CAMK2G: variants seen among roughly 807,000 people sequenced by gnomAD.
The protein encoded by CAMK2G is calcium/calmodulin-dependent protein kinase type II subunit gamma.
In CAMK2G, 23 loss-of-function variants were observed where a neutral mutation model predicts 88.7. That is an observed-to-expected ratio of 0.26 (90% CI 0.19 to 0.37). The LOEUF (loss-of-function observed/expected upper bound fraction) is 0.37, where lower values mean the gene tolerates loss of function less well. Among genes scored for constraint, CAMK2G ranks in the 10% least tolerant of loss-of-function variants. CAMK2G has a pLI of 1.00. For synonymous variants in CAMK2G, 263 were observed against 294.8 expected (o/e 0.89, Z 1.11); for missense variants, 476 against 780.8 (o/e 0.61, Z 4.65).
At chr10:73,818,347 A>T (rs2086452090) in intron 19 of CAMK2G, 1 of 242,288 alleles carries the variant, frequency 4.1e-6, no homozygotes, top group African/African-American at 2.2e-5. Context: ...CAACCCATCC[A>T]AAGCCAAGGG....
At chr10:73,847,077 C>G (rs973625986) in intron 10 of CAMK2G, 148 bp downstream of exon 10, 1 of 736,882 alleles carries the variant, frequency 1.4e-6, no homozygotes, top group South Asian at 1.9e-5. Flanking sequence ...ATTTATTGAC[C>G]CTGGCCCTCA....
intron 14 of CAMK2G, among the ~76,000 whole-genome samples, chr10:73,831,429 T>G (rs577945495): frequency 6.7e-6 from 1 of 150,150 alleles, no homozygotes; most frequent in African/African-American, 2.5e-5. Flanking sequence ...TCCCAGCTAC[T>G]TGGGAGGCTG....
chr10:73,839,684 C>A lies in CAMK2G; in HGVS notation c.947-83G>T, dbSNP rs2093607373. ...AGCGAGCATGCCCCAGCGCGAGGCG[C>A]AGCCCAGGCGGCGTGGCCAAGCCAG... On this transcript the variant is annotated intron_variant, in intron 12 of 22. Transcript: ENST00000423381. The surrounding 1 kb of genome is among the most constrained non-coding windows in gnomAD (Gnocchi z 4.2). The A allele has an allele frequency of 4.4e-6, 4 of 913,690 alleles. No individual in the cohort carries two copies. Among genetic ancestry groups the A allele is most frequent in the Non-Finnish European group, 5.7e-6 (4 of 696,834 alleles). The allele number at this position is 913,690 out of a possible 1,614,324, so 56.6% of individuals were successfully genotyped here.
At chr10:73,864,248 G>A (rs2095498581) in intron 2 of CAMK2G, among the ~76,000 whole-genome samples, 2 of 151,822 alleles carry the variant, frequency 1.3e-5, no homozygotes, top group Non-Finnish European at 2.9e-5. Context: ...GCTGCAGTGA[G>A]CCAAGATTGG....
chr10:73,818,818 G>A (rs1230551091), intron 19 of CAMK2G: 1 of 456,204 alleles, frequency 2.2e-6, no homozygotes. Context: ...GGCGAAGAGG[G>A]TTGTGCTTAG....
At position 73,821,613 on chromosome 10, in the gene CAMK2G, G is replaced by A. The variant is rs1589863118; in HGVS notation, c.1249+69C>T. ...CCAGTTCTGGGGACAGAAAAGGCAG[G>A]TGCCCCATTGGAGCCCAGGTACCTG... On this transcript the variant is annotated intron_variant, in intron 18 of 22. Coordinates refer to ENST00000423381, the MANE Select transcript of CAMK2G (RefSeq NM_001367534.1). 4.3e-6 allele frequency: 5 copies of A among 1,161,716 alleles called. No homozygotes were observed. In the South Asian group the frequency reaches 6.3e-5, roughly 15 times the overall value. The allele number at this position is 1,161,716 out of a possible 1,614,324, so 72.0% of individuals were successfully genotyped here. A position where few individuals can be genotyped will look rare whatever the true frequency, so the allele number is the denominator to read the frequency against.
At chr10:73,840,060 C>T (rs1195984811) in intron 12 of CAMK2G, among the ~76,000 whole-genome samples, 1 of 152,200 alleles carries the variant, frequency 6.6e-6, no homozygotes, top group Non-Finnish European at 1.5e-5. Flanking sequence ...CTACATCCCA[C>T]ACACTAGAGG....
chr10:73,836,422 T>C (rs765858320), intron 14 of CAMK2G, among the ~76,000 whole-genome samples: 1 of 152,176 alleles, frequency 6.6e-6, no homozygotes, highest in Non-Finnish European at 1.5e-5. Context: ...CAACTAAACC[T>C]GCCCCTTTTC....
rs1210850878 is a variant in CAMK2G at position 73,848,903 on chromosome 10, C to A, written c.517+110G>T. The stretch of plus-strand genomic sequence containing the variant: ...AGTCGCGTACGGCCAAGAGAGATCT[C>A]GGAGGCCAGGACCATTAAGGGTCTG... On this transcript the variant is annotated intron_variant, in intron 7 of 22. Transcript: ENST00000423381. The surrounding 1 kb of genome is among the most constrained non-coding windows in gnomAD (Gnocchi z 4.5). 3.8e-6 allele frequency: 3 copies of A among 787,660 alleles called. No homozygotes were observed. Among genetic ancestry groups the A allele is most frequent in the East Asian group, 4.9e-5 (2 of 40,894 alleles). The allele number at this position is 787,660 out of a possible 1,614,324, so 48.8% of individuals were successfully genotyped here. A position where few individuals can be genotyped will look rare whatever the true frequency, so the allele number is the denominator to read the frequency against.
intron 10 of CAMK2G, chr10:73,846,667 CTCT>C (rs1404346468): frequency 6.6e-6 from 1 of 152,278 alleles, no homozygotes; most frequent in Non-Finnish European, 1.5e-5. Flanking sequence ...CTACCAAATC[CTCT>C]TCTTTGTCTG....
At chr10:73,816,402 T>G in intron 21 of CAMK2G, 1 of 1,046,654 alleles carries the variant, frequency 9.6e-7, no homozygotes, top group African/African-American at 1.7e-5. Context: ...TGAGATCATC[T>G]CAACCTAATC....
chr10:73,871,922 G>A (rs939552746), intron 2 of CAMK2G, among the ~76,000 whole-genome samples: 6 of 152,152 alleles, frequency 3.9e-5, no homozygotes, highest in Admixed American at 1.3e-4. Context: ...CATCTATTAT[G>A]TCTCTTATCC....
At chr10:73,833,080 C>A (rs1239932032) in intron 14 of CAMK2G, among the ~76,000 whole-genome samples, 1 of 151,758 alleles carries the variant, frequency 6.6e-6, no homozygotes, top group Admixed American at 6.6e-5. Context: ...CCCACCTCAG[C>A]CTCCCAAGTA....
chr10:73,864,294 CAA>C (rs1039472245), intron 2 of CAMK2G, among the ~76,000 whole-genome samples: 2 of 133,486 alleles, frequency 1.5e-5, no homozygotes, highest in African/African-American at 2.8e-5. Flanking sequence ...CAGAGCAAGT[CAA>C]AAAAAAAAAA....
Position 73,832,066 on chromosome 10 carries a change from A to T in CAMK2G, c.1054-3945T>A, listed in dbSNP as rs186540734. ...CACACCTGGTATTATGCTTTACTTTAAAAAAAAAATAGTATTTAAAAAAAA... is the reference window on the plus strand; with the variant it reads ...CACACCTGGTATTATGCTTTACTTTTAAAAAAAAATAGTATTTAAAAAAAA... On this transcript the variant is annotated intron_variant, in intron 14 of 22. Coordinates refer to ENST00000423381, the MANE Select transcript of CAMK2G (RefSeq NM_001367534.1). Among the ~76,000 whole-genome samples, 1,332 of 145,862 alleles carry T rather than the reference A, an allele frequency of 9.1e-3. 25 individuals are homozygous for T. Among genetic ancestry groups the T allele is most frequent in the African/African-American group, 0.031 (1,262 of 40,476 alleles).
chr10:73,848,623 G>A lies in CAMK2G; in HGVS notation c.518-14C>T. ...TGCCAGCAAAACCTGTAGCAAAAGA[G>A]AGGGCAGAGGCATACTGAACCCACT... On this transcript the variant is annotated splice_polypyrimidine_tract_variant and intron_variant, in intron 7 of 22. Coordinates refer to ENST00000423381, the MANE Select transcript of CAMK2G (RefSeq NM_001367534.1). The surrounding 1 kb of genome is among the most constrained non-coding windows in gnomAD (Gnocchi z 4.5). The A allele has an allele frequency of 6.5e-7, 1 of 1,540,934 alleles. No individual in the cohort carries two copies. The highest frequency in any genetic ancestry group is 8.9e-7 in the Non-Finnish European group (1 of 1,118,474).
chr10:73,848,463 T>C lies in CAMK2G; in HGVS notation c.601+63A>G, dbSNP rs1388523601. ...TGCAAGGAATAGCGATGCCTCTTTC[T>C]TGCCATCATCGGAAGTTGAGGGCCC... is the stretch of plus-strand genomic sequence containing the variant. On this transcript the variant is annotated intron_variant, in intron 8 of 22. Coordinates refer to ENST00000423381, the MANE Select transcript of CAMK2G (RefSeq NM_001367534.1). The surrounding 1 kb of genome is among the most constrained non-coding windows in gnomAD (Gnocchi z 4.5). 9.5e-7 allele frequency: 1 copy of C among 1,048,172 alleles called. No homozygotes were observed. Among genetic ancestry groups the C allele is most frequent in the Non-Finnish European group, 1.5e-6 (1 of 672,042 alleles). 64.9% of individuals were successfully genotyped at this position (1,048,172 alleles called of 1,614,324 possible).
chr10:73,816,462 A>C (rs1438160625), intron 21 of CAMK2G: 2 of 1,091,280 alleles, frequency 1.8e-6, no homozygotes, highest in African/African-American at 3.3e-5. Context: ...GGCTTAAATA[A>C]TTTTTTCTTT....
At chr10:73,851,202 G>A (rs2094587224) in intron 5 of CAMK2G, among the ~76,000 whole-genome samples, 1 of 152,258 alleles carries the variant, frequency 6.6e-6, no homozygotes, top group Admixed American at 6.5e-5. Flanking sequence ...CTCTCCAGAA[G>A]CAGCCAGAGC....
Sources: gnomAD v4.1 joint callset for allele counts (sites outside exome capture counted in the v4.1 genomes callset) on GRCh38, gnomAD v4.1.1 for gene constraint, Gnocchi (gnomAD v3.1) non-coding constraint, MANE v1.5 for transcripts, NCBI Gene and HGNC (gene_info 2026-07-23, HGNC 2026-07-21) for gene names.